The following TNR variants were observed in gnomAD, a reference collection of about 807,000 sequenced individuals.
TNR encodes tenascin R, also known as tenascin-R.
A neutral mutation model predicts 150.4 loss-of-function variants in TNR; 45 were observed. That is an observed-to-expected ratio of 0.30 (90% CI 0.24 to 0.38). The LOEUF (loss-of-function observed/expected upper bound fraction) is 0.38. TNR is among the 10% of genes least tolerant of loss of function. The pLI is 1.00. For synonymous variants in TNR, 687 were observed against 678.4 expected (o/e 1.01, Z -0.20); for missense variants, 1,544 against 1,759.1 (o/e 0.88, Z 2.19).
In TNR at chr1:175,366,128, A is replaced by G. The variant is rs1394447126; in HGVS notation, c.2064T>C (p.Ser688=). Residue 688 remains serine (S), a synonymous_variant, in exon 11 of 23, where the codon AGT becomes AGC. Transcript: ENST00000367674. The stretch of plus-strand genomic sequence containing the variant: ...AGGCTGTCACCATGAGGTCTCGGGG[A>G]CTGTCAAGTTCTGTGGATTGACATA... ...ATMNARTELD[S]PRDLMVTASS... 1 of 1,605,466 alleles carries G rather than the reference A, an allele frequency of 6.2e-7. No homozygotes were observed. Among genetic ancestry groups the G allele is most frequent in the South Asian group, 1.1e-5 (1 of 89,462 alleles).
intron 1 of TNR, among the ~76,000 whole-genome samples, chr1:175,625,435 G>A (rs1664121295): frequency 6.6e-6 from 1 of 152,228 alleles, no homozygotes; most frequent in African/African-American, 2.4e-5. Context: ...TCTGTTAGCA[G>A]CATCTGGGGA....
chr1:175,733,196 T>C (rs1040750371), intron 1 of TNR, among the ~76,000 whole-genome samples: 10 of 152,132 alleles, frequency 6.6e-5, no homozygotes, highest in African/African-American at 2.4e-4. Flanking sequence ...AATGAAAAGG[T>C]CAAAACATTT....
chr1:175,536,077 T>C (rs527627992), intron 1 of TNR, among the ~76,000 whole-genome samples: 73 of 152,364 alleles, frequency 4.8e-4, no homozygotes, highest in Non-Finnish European at 8.8e-4. Flanking sequence ...GCAGATCTTG[T>C]TATTTACTGT....
At chr1:175,700,579 C>T (rs1275976838) in intron 1 of TNR, among the ~76,000 whole-genome samples, 4 of 152,146 alleles carry the variant, frequency 2.6e-5, no homozygotes, top group South Asian at 2.1e-4. Flanking sequence ...GACGGTGCAC[C>T]GTGTATGCCC....
At chr1:175,447,097 C>T (rs112721321) in intron 2 of TNR, among the ~76,000 whole-genome samples, 56 of 152,206 alleles carry the variant, frequency 3.7e-4, no homozygotes, top group African/African-American at 1.2e-3. Context: ...TCCAGATGCT[C>T]GGAACCATCC....
At chr1:175,703,922 C>G (rs939730295) in intron 1 of TNR, among the ~76,000 whole-genome samples, 1 of 152,134 alleles carries the variant, frequency 6.6e-6, no homozygotes, top group African/African-American at 2.4e-5. Context: ...CTTCACTAAG[C>G]CTGCAGAGGG....
chr1:175,603,938 C>T (rs532548618), intron 1 of TNR, among the ~76,000 whole-genome samples: 1 of 152,332 alleles, frequency 6.6e-6, no homozygotes, highest in East Asian at 1.9e-4. Flanking sequence ...AAAGGAGTCC[C>T]TTTTATTTTC....
At chr1:175,440,150 A>G (rs1345080372) in intron 2 of TNR, among the ~76,000 whole-genome samples, 1 of 152,198 alleles carries the variant, frequency 6.6e-6, no homozygotes, top group Non-Finnish European at 1.5e-5. Flanking sequence ...GATAGACTGG[A>G]TTAAGAAAAT....
At chr1:175,696,225 T>TTTTGTTGTTGTTG (rs1553254733) in intron 1 of TNR, among the ~76,000 whole-genome samples, 5 of 131,222 alleles carry the variant, frequency 3.8e-5, no homozygotes, top group Admixed American at 7.7e-5. Context: ...TAGTTTTTTT[T>TTTTGTTGTTGTTG]TTTTTTTTTT....
rs564583925 is a variant in TNR, at chr1:175,507,241, T to C, written c.-64+21028A>G. Among the ~76,000 whole-genome samples the C allele has an allele frequency of 2.6e-5, 4 of 152,302 alleles. No individual in the cohort carries two copies. In the South Asian group the frequency reaches 8.3e-4, roughly 32 times the overall value. The stretch of plus-strand genomic sequence containing the variant: ...CAGGCCAACGAGGATGGAGTTGCTA[T>C]GATGCACCCTCAGTGCCACACGAGA... On this transcript the variant is annotated intron_variant, in intron 2 of 22. Coordinates refer to ENST00000367674, the MANE Select transcript of TNR (RefSeq NM_003285.3).
At chr1:175,329,851 T>C (rs1289873046) in intron 21 of TNR, among the ~76,000 whole-genome samples, 1 of 152,234 alleles carries the variant, frequency 6.6e-6, no homozygotes, top group Non-Finnish European at 1.5e-5. Flanking sequence ...ATTTTCCAGA[T>C]GATGAAACTG....
chr1:175,553,773 G>A (rs774760114), intron 1 of TNR, among the ~76,000 whole-genome samples: 3 of 149,066 alleles, frequency 2.0e-5, no homozygotes, highest in East Asian at 2.0e-4. Context: ...ACACACATTC[G>A]TGTAGATATA....
intron 1 of TNR, among the ~76,000 whole-genome samples, chr1:175,651,359 G>T (rs1664990477): frequency 6.6e-6 from 1 of 152,010 alleles, no homozygotes; most frequent in South Asian, 2.1e-4. Context: ...TTACCTTGAG[G>T]GGAGGGAAGG....
intron 2 of TNR, among the ~76,000 whole-genome samples, chr1:175,491,388 GA>G (rs949716137): frequency 1.2e-4 from 18 of 152,024 alleles, no homozygotes; most frequent in Admixed American, 6.6e-4. Context: ...AAATGTTAAA[GA>G]AAAAAATAAA....
At chr1:175,638,624 G>A (rs1354304273) in intron 1 of TNR, among the ~76,000 whole-genome samples, 1 of 152,114 alleles carries the variant, frequency 6.6e-6, no homozygotes, top group East Asian at 1.9e-4. Context: ...AGAATCCTGG[G>A]GGAATGGAAA....
Position 175,324,709 on chromosome 1 carries a change from A to G in TNR, c.3794-190T>C, listed in dbSNP as rs1250182672. Among the ~76,000 whole-genome samples, 5 of 151,478 alleles carry G rather than the reference A, an allele frequency of 3.3e-5. No individual in the cohort carries two copies. In the East Asian group the frequency reaches 9.7e-4, roughly 29 times the overall value. On this transcript the variant is annotated intron_variant, in intron 21 of 22. Coordinates refer to ENST00000367674, the MANE Select transcript of TNR (RefSeq NM_003285.3). ...CCCTGGGGCCAACCACTTCCATGCT[A>G]CTCTCTCCAACCCACTTCCTAATCC...
intron 1 of TNR, among the ~76,000 whole-genome samples, chr1:175,586,299 C>A (rs950285932): frequency 2.0e-5 from 3 of 152,062 alleles, no homozygotes; most frequent in African/African-American, 7.2e-5. Context: ...CTTTTTATTT[C>A]TCTTTTCTAT....
In TNR at chr1:175,572,715, A is replaced by AAT. The variant is rs66935833; in HGVS notation, c.-164-44348_-164-44347dup. Among the ~76,000 whole-genome samples, 493 of 149,008 alleles carry AAT rather than the reference A, an allele frequency of 3.3e-3. 1 individual carries two copies. Among genetic ancestry groups the AAT allele is most frequent in the East Asian group, 0.012 (60 of 5,120 alleles). ...TAACATATAAATTACATATAGAGAG[A>AAT]ATATATATATATATATATTCCAACA... On this transcript the variant is annotated intron_variant, in intron 1 of 22. Transcript: ENST00000367674.
chr1:175,719,560 C>T (rs1571787111), intron 1 of TNR, among the ~76,000 whole-genome samples: 1 of 152,362 alleles, frequency 6.6e-6, no homozygotes, highest in Non-Finnish European at 1.5e-5. Context: ...ACATAAAGCA[C>T]TTAGAATTGT....
Sources: allele counts gnomAD v4.1 joint callset (sites outside exome capture counted in the v4.1 genomes callset), GRCh38; gene constraint gnomAD v4.1.1; transcripts MANE v1.5; gene names NCBI Gene and HGNC (gene_info 2026-07-23, HGNC 2026-07-21).